Variants in STK31 observed in about 807,000 individuals in gnomAD.
The protein encoded by STK31 is serine/threonine kinase 31.
Under a neutral mutation model 129.7 loss-of-function variants are expected in STK31, and 89 were observed. The ratio of observed to expected loss-of-function variants is 0.69; its 90% CI spans 0.58 to 0.82. The LOEUF is 0.82. Ranked by LOEUF, STK31 falls within the 40% of genes least tolerant of loss-of-function variation. The pLI, the probability that STK31 is intolerant of heterozygous loss-of-function variation, is 0.00. For synonymous variants in STK31, 448 were observed against 395.3 expected, an observed-to-expected ratio of 1.13 and a Z score of -1.58; for missense variants, 1,187 against 1,176.4, an observed-to-expected ratio of 1.01 and a Z score of -0.13.
rs764317069 is a variant in STK31, at chr7:23,788,073, T to C, written c.2581T>C (p.Phe861Leu). The change falls in exon 21 of 24, where the codon TTT becomes CTT. Residue 861 changes from phenylalanine (F) to leucine (L), a missense_variant. Physicochemically the swap from Phe to Leu is conservative, Grantham distance 22. Around this residue, in one of 5 missense-constraint regions of STK31, gnomAD observed 975 missense variants for 934.9 expected, o/e 1.04. Transcript: ENST00000355870. ...TGGATCACTTCATCAGAACAATGTATTTGCTTTAAACCGTGAACAAGGAAT... is the reference window on the plus strand; with the variant it reads ...TGGATCACTTCATCAGAACAATGTACTTGCTTTAAACCGTGAACAAGGAAT... ...IHGSLHQNNV[F>L]ALNREQGIVG... is the part of the protein sequence containing the mutation. The C allele has an allele frequency of 6.2e-7, 1 of 1,613,212 alleles. No homozygotes were observed. Among genetic ancestry groups the C allele is most frequent in the Non-Finnish European group, 8.5e-7 (1 of 1,179,604 alleles).
intron 23 of STK31, among the ~76,000 whole-genome samples, chr7:23,821,530 C>G (rs899960840): frequency 6.6e-6 from 1 of 151,936 alleles, no homozygotes; most frequent in Non-Finnish European, 1.5e-5. Flanking sequence ...TGTCGAGTTT[C>G]TTGTATATTC....
chr7:23,766,177 TTAGC>T, intron 11 of STK31, among the ~76,000 whole-genome samples: 1 of 152,330 alleles, frequency 6.6e-6, no homozygotes, highest in East Asian at 1.9e-4. Flanking sequence ...AAATAGTTGT[TTAGC>T]TGACTATAAA....
chr7:23,782,037 T>A (rs957659187), intron 16 of STK31, among the ~76,000 whole-genome samples: 2 of 152,198 alleles, frequency 1.3e-5, no homozygotes, highest in African/African-American at 4.8e-5. Context: ...AGTTACATCT[T>A]TTAAGTCTCT....
chr7:23,777,344 T>C (rs958611105), intron 15 of STK31, among the ~76,000 whole-genome samples: 13 of 152,204 alleles, frequency 8.5e-5, no homozygotes, highest in Admixed American at 2.0e-4. Flanking sequence ...TAGGTCCACT[T>C]GGTCCAGAGT....
At chr7:23,795,382 A>C (rs894961410) in intron 22 of STK31, among the ~76,000 whole-genome samples, 1 of 152,246 alleles carries the variant, frequency 6.6e-6, no homozygotes, top group African/African-American at 2.4e-5. Context: ...ACTTCCACCT[A>C]GATTTCAGAG....
In STK31 at chr7:23,731,075, G is replaced by A. The variant is rs542360879; in HGVS notation, c.483+1826G>A. Among the ~76,000 whole-genome samples, 14 of 151,050 alleles carry A rather than the reference G, an allele frequency of 9.3e-5. No homozygotes were observed. In the East Asian group the frequency reaches 2.2e-3, roughly 23 times the overall value. ...ATTTTTGTATTTTTAGTAGAGGTGG[G>A]GTTTCACCATGTTGGCCAGGCTGGT... On this transcript the variant is annotated intron_variant, in intron 6 of 23. Transcript: ENST00000355870.
In STK31 at chr7:23,769,651, A is replaced by G. The variant is rs183750716; in HGVS notation, c.1608A>G (p.Leu536=). 53 of 1,608,406 alleles carry G rather than the reference A, an allele frequency of 3.3e-5. No individual in the cohort carries two copies. The African/African-American group carries it at 3.6e-4, about 11-fold the overall frequency. Residue 536 remains leucine (L), a synonymous_variant, in exon 13 of 24, where the codon CTA becomes CTG. Transcript: ENST00000355870. ...TTTTTGCAAATGAGGTTTTTGACCT[A>G]TCTGTGGAAGGATCACTGATTTCAG... ...WFQRTLKVFD[L]SVEGSLISED...
At chr7:23,740,599 C>T (rs1477171253) in intron 8 of STK31, among the ~76,000 whole-genome samples, 1 of 152,082 alleles carries the variant, frequency 6.6e-6, no homozygotes, top group Non-Finnish European at 1.5e-5. Context: ...CACCCATTAA[C>T]TCGTCATTTA....
intron 22 of STK31, among the ~76,000 whole-genome samples, chr7:23,805,231 A>C (rs1792629000): frequency 6.6e-6 from 1 of 151,870 alleles, no homozygotes; most frequent in Non-Finnish European, 1.5e-5. Context: ...GCACGCTGCC[A>C]TGCCTGGCTA....
At chr7:23,721,573 C>T (rs530176151) in intron 4 of STK31, 168 of 923,242 alleles carry the variant, frequency 1.8e-4, no homozygotes, top group Middle Eastern at 1.1e-3. Flanking sequence ...GAGCCCTTTG[C>T]GGAATCCCCT....
intron 4 of STK31, among the ~76,000 whole-genome samples, chr7:23,724,839 T>C (rs1786956678): frequency 6.6e-6 from 1 of 152,192 alleles, no homozygotes; most frequent in South Asian, 2.1e-4. Context: ...TGAATTGTTA[T>C]TTATTTATTT....
intron 6 of STK31, among the ~76,000 whole-genome samples, chr7:23,733,770 C>A (rs1787564463): frequency 6.6e-6 from 1 of 151,792 alleles, no homozygotes; most frequent in African/African-American, 2.4e-5. Context: ...GATAGCGCCA[C>A]TGCACTCCCA....
At chr7:23,774,191 A>C (rs771101140) in intron 15 of STK31, among the ~76,000 whole-genome samples, 1 of 152,122 alleles carries the variant, frequency 6.6e-6, no homozygotes, top group Non-Finnish European at 1.5e-5. Flanking sequence ...TTGATGGGCA[A>C]CTGGGTTTGT....
intron 23 of STK31, among the ~76,000 whole-genome samples, chr7:23,827,955 G>A (rs1013354985): frequency 1.3e-5 from 2 of 152,198 alleles, no homozygotes; most frequent in South Asian, 2.1e-4. Flanking sequence ...TCCTCTGGGA[G>A]TTTTGTCTCA....
At chr7:23,738,129 C>T (rs1188022727) in intron 8 of STK31, among the ~76,000 whole-genome samples, 2 of 152,178 alleles carry the variant, frequency 1.3e-5, no homozygotes, top group African/African-American at 2.4e-5. Flanking sequence ...CGGGGTTTCC[C>T]ATGACCCTCC....
chr7:23,749,482 A>G (rs1788557655), intron 8 of STK31, among the ~76,000 whole-genome samples: 1 of 148,668 alleles, frequency 6.7e-6, no homozygotes, highest in African/African-American at 2.5e-5. Context: ...AACTGGGACT[A>G]CAGGTGTGCA....
chr7:23,738,775 C>T (rs373856932), intron 8 of STK31, among the ~76,000 whole-genome samples: 76 of 152,050 alleles, frequency 5.0e-4, no homozygotes, highest in African/African-American at 1.7e-3. Flanking sequence ...AGGCTGGTTT[C>T]GAACTCCTCA....
At chr7:23,738,245 G>T in intron 8 of STK31, among the ~76,000 whole-genome samples, 1 of 152,144 alleles carries the variant, frequency 6.6e-6, no homozygotes, top group East Asian at 1.9e-4. Flanking sequence ...ATAAATGGAA[G>T]ATATATATAA....
At chr7:23,755,842 T>C (rs556442968) in intron 10 of STK31, among the ~76,000 whole-genome samples, 1 of 152,326 alleles carries the variant, frequency 6.6e-6, no homozygotes, top group South Asian at 2.1e-4. Context: ...TCTGTTCTGC[T>C]CCATTGGTCT....
Sources: gnomAD v4.1 joint callset for allele counts (sites outside exome capture counted in the v4.1 genomes callset) on GRCh38, gnomAD v4.1.1 for gene constraint, gnomAD v4.1.1 regional missense constraint, MANE v1.5 for transcripts, NCBI Gene and HGNC (gene_info 2026-07-23, HGNC 2026-07-21) for gene names.